BANK1: variants seen among roughly 807,000 people sequenced by gnomAD.
BANK1 encodes the protein B cell scaffold protein with ankyrin repeats 1.
Under a neutral mutation model 94.5 loss-of-function variants are expected in BANK1, and 95 were observed. The ratio of observed to expected loss-of-function variants is 1.00; its 90% CI spans 0.85 to 1.19. The LOEUF is 1.19. BANK1 is among the 50% of genes most tolerant of loss of function. BANK1 has a pLI of 0.00. For synonymous variants in BANK1, 334 were observed against 308.4 expected (o/e 1.08, Z -0.87); for missense variants, 987 against 932.2 (o/e 1.06, Z -0.77).
At chr4:101,871,433 T>C (rs1728282997) in intron 5 of BANK1, among the ~76,000 whole-genome samples, 1 of 151,998 alleles carries the variant, frequency 6.6e-6, no homozygotes, top group Admixed American at 6.6e-5. Flanking sequence ...AAACTGTCAA[T>C]GATAATGTAG....
rs570842420 is a variant in BANK1 at position 101,985,296 on chromosome 4, C to T, written c.1207-36218C>T. On this transcript the variant is annotated intron_variant, in intron 7 of 16. Transcript: ENST00000322953. ...CAACAGATTGGATGTGGTTCACACACGTTGGAGGAGGGTAATTTGCTTTAC... is the reference window on the plus strand; with the variant it reads ...CAACAGATTGGATGTGGTTCACACATGTTGGAGGAGGGTAATTTGCTTTAC... Among the ~76,000 whole-genome samples, 69 of 152,252 alleles carry T rather than the reference C, an allele frequency of 4.5e-4. 1 individual carries two copies. The South Asian group carries it at 0.013, about 29-fold the overall frequency.
Position 102,010,478 on chromosome 4 carries a change from C to T in BANK1, c.1207-11036C>T, listed in dbSNP as rs183383204. On this transcript the variant is annotated intron_variant, in intron 7 of 16. Transcript: ENST00000322953. ...CGCCATCTGGGCTCACTGCAGCTTC[C>T]GCCTCCCGGGTTCCAGCAACTCTCC... Among the ~76,000 whole-genome samples the T allele has an allele frequency of 1.3e-3, 201 of 150,434 alleles. 3 individuals carry two copies. The highest frequency in any genetic ancestry group is 4.7e-3 in the African/African-American group (191 of 40,928).
At chr4:101,847,137 A>G (rs1727278871) in intron 2 of BANK1, among the ~76,000 whole-genome samples, 1 of 151,864 alleles carries the variant, frequency 6.6e-6, no homozygotes, top group Non-Finnish European at 1.5e-5. Context: ...GCTGGTAAAT[A>G]TTTGTTCAAA....
chr4:101,833,159 A>G (rs756095290), intron 2 of BANK1, among the ~76,000 whole-genome samples: 2 of 151,976 alleles, frequency 1.3e-5, no homozygotes, highest in African/African-American at 4.8e-5. Context: ...TTGTATTTTT[A>G]GTAGAGATTC....
At chr4:102,014,086 A>C (rs1006304737) in intron 7 of BANK1, among the ~76,000 whole-genome samples, 1 of 152,148 alleles carries the variant, frequency 6.6e-6, no homozygotes, top group Non-Finnish European at 1.5e-5. Context: ...CAAGTCTGAC[A>C]ATATCCCTAA....
At chr4:101,866,870 A>G (rs865821940) in intron 4 of BANK1, among the ~76,000 whole-genome samples, 1 of 77,234 alleles carries the variant, frequency 1.3e-5, no homozygotes, top group Middle Eastern at 5.1e-3. Context: ...TTGTAGGGAC[A>G]TGGATGAAAT....
intron 13 of BANK1, among the ~76,000 whole-genome samples, chr4:102,068,643 A>G (rs1728664506): frequency 1.3e-5 from 2 of 152,232 alleles, no homozygotes; most frequent in South Asian, 2.1e-4. Flanking sequence ...CCTGGCCAAC[A>G]TGGTGAAACC....
intron 7 of BANK1, among the ~76,000 whole-genome samples, chr4:102,010,885 T>A (rs1346254988): frequency 6.6e-6 from 1 of 152,228 alleles, no homozygotes; most frequent in Admixed American, 6.5e-5. Context: ...TTCATAACAA[T>A]GTAAAATTGT....
intron 11 of BANK1, among the ~76,000 whole-genome samples, chr4:102,059,273 C>T (rs1406466275): frequency 6.6e-6 from 1 of 152,156 alleles, no homozygotes; most frequent in East Asian, 1.9e-4. Context: ...CTATTCTCTC[C>T]TTTCAGACTC....
chr4:101,995,573 G>T (rs1054915115), intron 7 of BANK1, among the ~76,000 whole-genome samples: 2 of 152,146 alleles, frequency 1.3e-5, no homozygotes, highest in African/African-American at 4.8e-5. Context: ...CAGTGTAAAA[G>T]TGTTCCTATT....
intron 9 of BANK1, among the ~76,000 whole-genome samples, chr4:102,028,174 C>T (rs1339329322): frequency 6.6e-6 from 1 of 152,102 alleles, no homozygotes; most frequent in African/African-American, 2.4e-5. Flanking sequence ...GTTAAGAGCT[C>T]AGGAAATCGG....
At chr4:101,870,096 A>T (rs1728229338) in intron 4 of BANK1, among the ~76,000 whole-genome samples, 2 of 152,072 alleles carry the variant, frequency 1.3e-5, no homozygotes, top group South Asian at 4.1e-4. Flanking sequence ...TTTTTGAGAC[A>T]CTTGCCTGTA....
chr4:101,895,513 G>A, intron 6 of BANK1, 103 bp downstream of exon 6: 1 of 658,126 alleles, frequency 1.5e-6, no homozygotes, highest in South Asian at 1.9e-5. Context: ...CTGCACTGCT[G>A]ATGAGATGAT....
intron 3 of BANK1, among the ~76,000 whole-genome samples, chr4:101,856,439 A>C (rs973766535): frequency 2.0e-5 from 3 of 152,220 alleles, no homozygotes; most frequent in African/African-American, 7.2e-5. Flanking sequence ...ACTGAGTCAG[A>C]AACAATGGAA....
At chr4:101,889,604 CA>C (rs59341810) in intron 5 of BANK1, among the ~76,000 whole-genome samples, 1,822 of 54,816 alleles carry the variant, frequency 0.033, 2 homozygotes, top group Admixed American at 0.037. Context: ...GACTCCGTCT[CA>C]AAAAAAAAAA....
rs547046775 is a variant in BANK1, at chr4:102,016,735, T to C, written c.1207-4779T>C. Among the ~76,000 whole-genome samples the C allele has an allele frequency of 9.2e-5, 14 of 152,322 alleles. No individual in the cohort carries two copies. The South Asian group carries it at 2.9e-3, about 32-fold the overall frequency. ...CTTCTCTCCTGATTTTTCTGACATA[T>C]CTCCCTTCTGGTTTTTCCCTTTGCT... On this transcript the variant is annotated intron_variant, in intron 7 of 16. Transcript: ENST00000322953.
chr4:101,945,705 T>A (rs550787601), intron 7 of BANK1, among the ~76,000 whole-genome samples: 13 of 151,886 alleles, frequency 8.6e-5, no homozygotes, highest in Non-Finnish European at 1.8e-4. Flanking sequence ...GTATCCTGAG[T>A]ATTTAGAACC....
chr4:101,922,669 T>C (rs1723036295), intron 7 of BANK1, among the ~76,000 whole-genome samples: 1 of 151,884 alleles, frequency 6.6e-6, no homozygotes, highest in Non-Finnish European at 1.5e-5. Context: ...TAGACAGCCC[T>C]ACTGCTTGTC....
At chr4:102,001,185 C>T (rs1464904378) in intron 7 of BANK1, among the ~76,000 whole-genome samples, 2 of 152,174 alleles carry the variant, frequency 1.3e-5, no homozygotes, top group East Asian at 1.9e-4. Context: ...AAAGGCTGTA[C>T]GTTCATTTCC....
Sources: gnomAD v4.1 joint callset for allele counts (sites outside exome capture counted in the v4.1 genomes callset) on GRCh38, gnomAD v4.1.1 for gene constraint, MANE v1.5 for transcripts, NCBI Gene and HGNC (gene_info 2026-07-23, HGNC 2026-07-21) for gene names.